METTL15: variants seen among roughly 807,000 people sequenced by gnomAD.
METTL15 encodes the protein 12S rRNA N(4)-cytidine methyltransferase METTL15.
A neutral mutation model predicts 38.3 loss-of-function variants in METTL15; 34 were observed. The ratio of observed to expected loss-of-function variants is 0.89; its 90% confidence interval spans 0.68 to 1.18. The LOEUF is 1.18. Among genes scored for constraint, METTL15 ranks in the 50% most tolerant of loss-of-function variants. METTL15 has a pLI of 0.00. For missense variants in METTL15, 438 were observed against 498.4 expected (o/e 0.88, Z 1.15); for synonymous variants, 162 against 170.9 (o/e 0.95, Z 0.41).
intron 6 of METTL15, among the ~76,000 whole-genome samples, chr11:28,432,565 A>C (rs1850941630): frequency 6.6e-6 from 1 of 152,234 alleles, no homozygotes; most frequent in Non-Finnish European, 1.5e-5. Context: ...AAAACGAGAA[A>C]GAGTTTTAGT....
rs185792158 is a variant in METTL15, at chr11:28,440,163, A to C, written c.*424+15799A>C. 1.3e-4 allele frequency among the ~76,000 whole-genome samples: 20 copies of C among 152,210 alleles called. No individual in the cohort carries two copies. The East Asian group carries it at 3.5e-3, about 26-fold the overall frequency. ...TCATTTTCAGCATATATTTTATTGT[A>C]TCTTCTTGCATGCCCAATTAAACCA... On this transcript the variant is annotated intron_variant and NMD_transcript_variant, in intron 6 of 7. Transcript: ENST00000532947.
chr11:28,205,213 G>A (rs1399955200), intron 3 of METTL15, among the ~76,000 whole-genome samples: 3 of 151,586 alleles, frequency 2.0e-5, no homozygotes, highest in Non-Finnish European at 4.4e-5. Context: ...GCATTAACTC[G>A]TCATTTAGTA....
At chr11:28,343,394 T>C (rs1400538170) in intron 3 of METTL15, among the ~76,000 whole-genome samples, 3 of 152,192 alleles carry the variant, frequency 2.0e-5, no homozygotes, top group Non-Finnish European at 4.4e-5. Context: ...TAACTTTCAG[T>C]CAGTTCTTTA....
chr11:28,284,881 T>A (rs1158621226), intron 4 of METTL15, among the ~76,000 whole-genome samples: 1 of 152,166 alleles, frequency 6.6e-6, no homozygotes, highest in Non-Finnish European at 1.5e-5. Flanking sequence ...TACATGGTGA[T>A]ATGGTTTGGC....
At chr11:28,119,598 T>A (rs1055892921) in intron 3 of METTL15, among the ~76,000 whole-genome samples, 11 of 152,234 alleles carry the variant, frequency 7.2e-5, no homozygotes, top group African/African-American at 2.4e-5. Context: ...GTTATAAATA[T>A]TTCAAAGTAA....
chr11:28,452,456 A>C (rs1345816270), intron 6 of METTL15, among the ~76,000 whole-genome samples: 1 of 152,212 alleles, frequency 6.6e-6, no homozygotes, highest in East Asian at 1.9e-4. Flanking sequence ...TATATACCTA[A>C]AGTGGTTTAC....
chr11:28,456,215 G>A (rs1212949617), intron 6 of METTL15, among the ~76,000 whole-genome samples: 1 of 151,472 alleles, frequency 6.6e-6, no homozygotes, highest in Non-Finnish European at 1.5e-5. Context: ...TCACTGTGCT[G>A]CCCAGGCTAG....
At chr11:28,387,594 C>G (rs2133389900) in intron 5 of METTL15, among the ~76,000 whole-genome samples, 1 of 152,056 alleles carries the variant, frequency 6.6e-6, no homozygotes, top group African/African-American at 2.4e-5. Context: ...GATGGCTTTA[C>G]TGGAGACTTC....
chr11:28,372,996 C>A (rs1398934474), intron 5 of METTL15, among the ~76,000 whole-genome samples: 2 of 151,808 alleles, frequency 1.3e-5, no homozygotes, highest in African/African-American at 4.8e-5. Flanking sequence ...ATATGTGCCA[C>A]ATTTTCTTAA....
intron 6 of METTL15, among the ~76,000 whole-genome samples, chr11:28,451,152 C>G (rs1851116899): frequency 6.6e-6 from 1 of 152,106 alleles, no homozygotes; most frequent in South Asian, 2.1e-4. Context: ...TACCACAGCT[C>G]AAAAAACTTA....
chr11:28,286,686 C>T (rs191749993), intron 4 of METTL15, among the ~76,000 whole-genome samples: 1 of 152,126 alleles, frequency 6.6e-6, no homozygotes, highest in East Asian at 1.9e-4. Context: ...GAGCTGAGGA[C>T]TGTGGTGTAA....
chr11:28,129,068 A>G (rs1231439069), intron 3 of METTL15, among the ~76,000 whole-genome samples: 2 of 152,128 alleles, frequency 1.3e-5, no homozygotes, highest in Non-Finnish European at 2.9e-5. Context: ...ATAGGACATG[A>G]TGGAGAAAGT....
intron 3 of METTL15, among the ~76,000 whole-genome samples, chr11:28,171,533 A>C (rs1007856015): frequency 6.6e-6 from 1 of 152,152 alleles, no homozygotes; most frequent in African/African-American, 2.4e-5. Flanking sequence ...ACTTTATTTT[A>C]ATCTCAGTTT....
intron 6 of METTL15, among the ~76,000 whole-genome samples, chr11:28,455,933 C>CATGGTTTCAAGTGATCCTTCTGTCT (rs1851164621): frequency 6.6e-6 from 1 of 152,136 alleles, no homozygotes; most frequent in Non-Finnish European, 1.5e-5. Flanking sequence ...GTCTCAATCT[C>CATGGTTTCAAGTGATCCTTCTGTCT]CTGACCTCGT....
chr11:28,229,715 T>C (rs1697051250), intron 4 of METTL15, among the ~76,000 whole-genome samples: 1 of 151,994 alleles, frequency 6.6e-6, no homozygotes. Context: ...TCTAGAACTA[T>C]GAGAAATAAA....
At chr11:28,489,649 G>A (rs925470287) in intron 6 of METTL15, among the ~76,000 whole-genome samples, 1 of 151,980 alleles carries the variant, frequency 6.6e-6, no homozygotes, top group African/African-American at 2.4e-5. Context: ...ACTCATTGTT[G>A]GAGAAGTTGC....
At chr11:28,144,061 A>G (rs1234766770) in intron 3 of METTL15, among the ~76,000 whole-genome samples, 1 of 152,194 alleles carries the variant, frequency 6.6e-6, no homozygotes. Context: ...GGTCCCCAAT[A>G]GACTCTAACC....
At chr11:28,412,780 A>G (rs1850740142) in intron 5 of METTL15, among the ~76,000 whole-genome samples, 1 of 152,148 alleles carries the variant, frequency 6.6e-6, no homozygotes, top group Admixed American at 6.6e-5. Flanking sequence ...TCAAGAATAT[A>G]CAATAGCTGA....
chr11:28,338,818 G>A (rs1211530901), intron 3 of METTL15, among the ~76,000 whole-genome samples: 2 of 151,998 alleles, frequency 1.3e-5, no homozygotes, highest in East Asian at 1.9e-4. Flanking sequence ...AAGATAATTC[G>A]GGTTAACCAT....
Sources: gnomAD v4.1 joint callset for allele counts (sites outside exome capture counted in the v4.1 genomes callset) on GRCh38, gnomAD v4.1.1 for gene constraint, MANE v1.5 for transcripts, NCBI Gene and HGNC (gene_info 2026-07-23, HGNC 2026-07-21) for gene names.